The following PSD3 variants were observed in gnomAD, a reference collection of about 807,000 sequenced individuals.
PSD3 encodes the protein PH and SEC7 domain-containing protein 3.
In PSD3, 49 loss-of-function variants were observed where a neutral mutation model predicts 105.5. The observed-to-expected ratio is 0.46, with a 90% CI of 0.37 to 0.59. The LOEUF is 0.59. PSD3 is among the 20% of genes least tolerant of loss of function. The pLI is 0.00. For missense variants in PSD3, 1,561 were observed against 1,263.8 expected (o/e 1.24, Z -3.57); for synonymous variants, 557 against 457.8 (o/e 1.22, Z -2.77).
intron 12 of PSD3, among the ~76,000 whole-genome samples, chr8:18,591,621 A>G (rs901177124): frequency 1.3e-5 from 2 of 152,134 alleles, no homozygotes; most frequent in Admixed American, 1.3e-4. Flanking sequence ...GAGTAGAGAG[A>G]CAGGTGGCTT....
intron 9 of PSD3, among the ~76,000 whole-genome samples, chr8:18,713,991 T>C (rs1426642545): frequency 6.6e-6 from 1 of 152,150 alleles, no homozygotes; most frequent in African/African-American, 2.4e-5. Context: ...TTTACAACCA[T>C]CTGATCGTCA....
chr8:18,696,136 C>T (rs559855875), intron 9 of PSD3, among the ~76,000 whole-genome samples: 5 of 152,322 alleles, frequency 3.3e-5, no homozygotes, highest in Admixed American at 1.3e-4. Flanking sequence ...CTCTAGCTTT[C>T]TCCACCGACC....
At chr8:19,029,936 A>T (rs985031974) in intron 1 of PSD3, among the ~76,000 whole-genome samples, 2 of 152,172 alleles carry the variant, frequency 1.3e-5, no homozygotes, top group African/African-American at 4.8e-5. Context: ...TACATAGCTG[A>T]TCATGACTTT....
intron 4 of PSD3, among the ~76,000 whole-genome samples, chr8:18,837,852 C>G (rs986305585): frequency 6.6e-6 from 1 of 152,192 alleles, no homozygotes; most frequent in African/African-American, 2.4e-5. Context: ...TAATTCTCCA[C>G]TTGAATTAAG....
chr8:18,580,489 G>C (rs1471799274), intron 12 of PSD3, among the ~76,000 whole-genome samples: 2 of 152,050 alleles, frequency 1.3e-5, no homozygotes. Context: ...GGTCAAAGCT[G>C]CAGTGAACTG....
chr8:18,717,005 G>A (rs77024082), intron 9 of PSD3, among the ~76,000 whole-genome samples: 2,976 of 152,146 alleles, frequency 0.02, 50 homozygotes, highest in African/African-American at 0.046. Flanking sequence ...TCAAGGGTAA[G>A]TTTTTTTCTA....
intron 2 of PSD3, among the ~76,000 whole-genome samples, chr8:18,890,343 A>G (rs1818708680): frequency 6.6e-6 from 1 of 152,174 alleles, no homozygotes; most frequent in Admixed American, 6.5e-5. Flanking sequence ...GAGTTTTTGT[A>G]TTTTAGTCTG....
At chr8:18,892,352 T>C (rs560454336) in intron 2 of PSD3, among the ~76,000 whole-genome samples, 1 of 151,332 alleles carries the variant, frequency 6.6e-6, no homozygotes, top group African/African-American at 2.4e-5. Flanking sequence ...GCCTCCCGAG[T>C]AGCTGGGACT....
At chr8:18,959,707 A>T (rs1206630986) in intron 1 of PSD3, among the ~76,000 whole-genome samples, 3 of 152,162 alleles carry the variant, frequency 2.0e-5, no homozygotes, top group Non-Finnish European at 4.4e-5. Context: ...AAGATCAGTG[A>T]CAAGAATTAG....
chr8:19,012,857 G>A (rs1425716843), intron 1 of PSD3, among the ~76,000 whole-genome samples: 1 of 152,202 alleles, frequency 6.6e-6, no homozygotes, highest in Non-Finnish European at 1.5e-5. Flanking sequence ...GAGAACCAGT[G>A]TCTAGAAAAT....
At chr8:18,629,765 T>C (rs980824692) in intron 11 of PSD3, among the ~76,000 whole-genome samples, 16 of 152,106 alleles carry the variant, frequency 1.1e-4, no homozygotes, top group Middle Eastern at 3.4e-3. Context: ...AATGGAAATG[T>C]TATTTATTTT....
rs1804280705 is a variant in PSD3, at chr8:18,599,537, T to C, written c.2481+827A>G. Reference sequence around the variant, plus strand: ...AATATGTGCTACAGTAGGCTCCCCTTATCTATCCATGTGGGATGTATTCTA... The same window carrying C: ...AATATGTGCTACAGTAGGCTCCCCTCATCTATCCATGTGGGATGTATTCTA... On this transcript the variant is annotated intron_variant, in intron 12 of 15. Transcript: ENST00000327040. Among the ~76,000 whole-genome samples, 4 of 152,194 alleles carry C rather than the reference T, an allele frequency of 2.6e-5. 1 individual carries two copies. The South Asian group carries it at 8.3e-4, about 31-fold the overall frequency.
intron 9 of PSD3, among the ~76,000 whole-genome samples, chr8:18,697,715 T>C (rs1238817465): frequency 1.3e-5 from 2 of 152,182 alleles, no homozygotes; most frequent in Non-Finnish European, 2.9e-5. Flanking sequence ...GGCAAGTATC[T>C]ATCAATTTTT....
rs532654457 is a variant in PSD3, at chr8:18,660,919, C to T, written c.2173-5234G>A. Among the ~76,000 whole-genome samples the T allele has an allele frequency of 8.5e-5, 13 of 152,292 alleles. No individual in the cohort carries two copies. The South Asian group carries it at 1.7e-3, about 19-fold the overall frequency. ...AAAGCAAAGAAAATTGCTTAAATTA[C>T]AGAGGTAAACATATTCTGGTCTAAA... On this transcript the variant is annotated intron_variant, in intron 9 of 15. Coordinates refer to ENST00000327040, the MANE Select transcript of PSD3 (RefSeq NM_015310.4).
At chr8:19,019,075 G>A (rs527836501) in intron 1 of PSD3, among the ~76,000 whole-genome samples, 43 of 152,126 alleles carry the variant, frequency 2.8e-4, no homozygotes, top group Non-Finnish European at 4.4e-4. Flanking sequence ...GATTACAAGC[G>A]TGAGCCACTG....
chr8:19,024,739 G>T (rs1827484440), intron 1 of PSD3, among the ~76,000 whole-genome samples: 1 of 152,026 alleles, frequency 6.6e-6, no homozygotes, highest in Middle Eastern at 3.2e-3. Flanking sequence ...CTCTATAGAA[G>T]GTCTTGAACT....
intron 14 of PSD3, among the ~76,000 whole-genome samples, chr8:18,566,282 TG>T (rs1801742139): frequency 6.6e-6 from 1 of 152,110 alleles, no homozygotes; most frequent in Non-Finnish European, 1.5e-5. Flanking sequence ...TCCAGCACTT[TG>T]GGAGGCCGAG....
intron 9 of PSD3, among the ~76,000 whole-genome samples, chr8:18,663,952 G>T (rs1038509184): frequency 6.6e-6 from 1 of 152,068 alleles, no homozygotes; most frequent in African/African-American, 2.4e-5. Flanking sequence ...TATTATATTT[G>T]CTATGGTAAT....
chr8:18,978,572 G>A (rs1391687937), intron 1 of PSD3, among the ~76,000 whole-genome samples: 2 of 152,118 alleles, frequency 1.3e-5, no homozygotes, highest in Non-Finnish European at 2.9e-5. Context: ...TGGTTGGACT[G>A]GACTAGAGGC....
Sources: allele counts gnomAD v4.1 joint callset (sites outside exome capture counted in the v4.1 genomes callset), GRCh38; gene constraint gnomAD v4.1.1; transcripts MANE v1.5; gene names NCBI Gene and HGNC (gene_info 2026-07-23, HGNC 2026-07-21).